The following WDR25 variants were observed in gnomAD, a reference collection of about 807,000 sequenced individuals.
WDR25 encodes the protein WD repeat domain 25, also known as WD repeat-containing protein 25.
A neutral mutation model predicts 47.7 loss-of-function variants in WDR25; 35 were observed. The ratio of observed to expected loss-of-function variants is 0.73; its 90% CI spans 0.56 to 0.97. WDR25 has a LOEUF of 0.97. WDR25 is among the 50% of genes least tolerant of loss of function. WDR25 has a pLI of 0.00. For missense variants in WDR25, 634 were observed against 704.7 expected (o/e 0.90, Z 1.14); for synonymous variants, 248 against 278.9 (o/e 0.89, Z 1.10).
intron 2 of WDR25, among the ~76,000 whole-genome samples, chr14:100,427,042 G>A (rs1007440750): frequency 2.0e-5 from 3 of 152,138 alleles, no homozygotes; most frequent in South Asian, 4.2e-4. Flanking sequence ...ATAAAAGCCC[G>A]GTCCATCAAT....
chr14:100,494,978 A>G lies in WDR25; in HGVS notation c.1101+10854A>G, dbSNP rs1057008547. Among the ~76,000 whole-genome samples the G allele has an allele frequency of 2.6e-5, 4 of 152,186 alleles. No individual in the cohort carries two copies. In the East Asian group the frequency reaches 7.7e-4, roughly 29 times the overall value. ...AACATAGCGAGATCATGACTCTACA[A>G]AAACAAACAAACAAACAACATAGCA... On this transcript the variant is annotated intron_variant, in intron 4 of 6. Transcript: ENST00000402312.
rs920267656 is a variant in WDR25 at position 100,488,882 on chromosome 14, G to A, written c.1101+4758G>A. Among the ~76,000 whole-genome samples, 1 of 152,214 alleles carries A rather than the reference G, an allele frequency of 6.6e-6. No homozygotes were observed. Among genetic ancestry groups the A allele is most frequent in the Non-Finnish European group, 1.5e-5 (1 of 68,050 alleles). ...AGGTGTTTATTTACAGCCGCTTGGT[G>A]TGGGAGCCTGAGTCACCTCTGTGCC... On this transcript the variant is annotated intron_variant, in intron 4 of 6. Coordinates refer to ENST00000402312, the MANE Select transcript of WDR25 (RefSeq NM_001161476.3). This position sits in a 1 kb window ranked among gnomAD's most constrained non-coding sequence, Gnocchi z 4.2.
At chr14:100,447,111 C>T (rs1595096981) in intron 2 of WDR25, among the ~76,000 whole-genome samples, 1 of 152,238 alleles carries the variant, frequency 6.6e-6, no homozygotes, top group African/African-American at 2.4e-5. Flanking sequence ...ATAATAACAG[C>T]TAATGCATTC....
chr14:100,437,860 C>G (rs1357657805), intron 2 of WDR25, among the ~76,000 whole-genome samples: 2 of 152,104 alleles, frequency 1.3e-5, no homozygotes, highest in African/African-American at 2.4e-5. Context: ...CCTGAGCTGA[C>G]CACCAAGGAT....
At chr14:100,511,267 C>T (rs1025173347) in intron 4 of WDR25, among the ~76,000 whole-genome samples, 2 of 151,998 alleles carry the variant, frequency 1.3e-5, no homozygotes, top group African/African-American at 4.8e-5. Flanking sequence ...AATTTATCCC[C>T]AAGTATTTAT....
At chr14:100,457,126 T>C (rs1462143128) in intron 2 of WDR25, among the ~76,000 whole-genome samples, 1 of 152,126 alleles carries the variant, frequency 6.6e-6, no homozygotes, top group African/African-American at 2.4e-5. Context: ...CTAGCTAATT[T>C]GTATTTTTAA....
chr14:100,452,189 T>TGAA (rs1254471629), intron 2 of WDR25, among the ~76,000 whole-genome samples: 1 of 152,202 alleles, frequency 6.6e-6, no homozygotes, highest in Non-Finnish European at 1.5e-5. Context: ...CATGTATCCA[T>TGAA]GCATTCCATC....
Position 100,428,134 on chromosome 14 carries a change from T to G in WDR25, c.823-39887T>G, listed in dbSNP as rs1211618711. On this transcript the variant is annotated intron_variant, in intron 2 of 6. Transcript: ENST00000402312. This position sits in a 1 kb window ranked among gnomAD's most constrained non-coding sequence, Gnocchi z 4.3. ...CTGGAGCATTCACGCAAGGTCACTTTTCCCATCTGAGGAAACGTTTGTCGT... is the reference window on the plus strand; with the variant it reads ...CTGGAGCATTCACGCAAGGTCACTTGTCCCATCTGAGGAAACGTTTGTCGT... Among the ~76,000 whole-genome samples the G allele has an allele frequency of 1.3e-5, 2 of 152,212 alleles. No individual in the cohort carries two copies. The highest frequency in any genetic ancestry group is 6.5e-5 in the Admixed American group (1 of 15,286).
At chr14:100,408,842 T>C (rs574603270) in intron 2 of WDR25, among the ~76,000 whole-genome samples, 1 of 152,372 alleles carries the variant, frequency 6.6e-6, no homozygotes, top group Non-Finnish European at 1.5e-5. Flanking sequence ...ATGTTTATTT[T>C]ATTCTGATTA....
At chr14:100,521,902 C>A (rs547844256) in intron 4 of WDR25, among the ~76,000 whole-genome samples, 101 of 152,300 alleles carry the variant, frequency 6.6e-4, no homozygotes, top group Non-Finnish European at 1.2e-3. Context: ...ATGTAGATAC[C>A]TAACACCCCC....
rs1339426109 is a variant in WDR25 at position 100,404,006 on chromosome 14, A to G, written c.822+22260A>G. On this transcript the variant is annotated intron_variant, in intron 2 of 6. Transcript: ENST00000402312. The surrounding 1 kb of genome is among the most constrained non-coding windows in gnomAD (Gnocchi z 4.6). ...GAAGTGCCTTGAGTAGAATGAGGCA[A>G]TGTTGGTGTGGACTTTATCATGGGC... Among the ~76,000 whole-genome samples, 2 of 152,180 alleles carry G rather than the reference A, an allele frequency of 1.3e-5. No homozygotes were observed. The highest frequency in any genetic ancestry group is 2.9e-5 in the Non-Finnish European group (2 of 68,028).
intron 4 of WDR25, among the ~76,000 whole-genome samples, chr14:100,520,296 A>T (rs897891738): frequency 3.9e-5 from 6 of 151,974 alleles, no homozygotes; most frequent in Admixed American, 3.9e-4. Flanking sequence ...AGGATTACAG[A>T]ATTTTCTTTA....
intron 2 of WDR25, among the ~76,000 whole-genome samples, chr14:100,385,729 A>G (rs763629041): frequency 6.6e-6 from 1 of 152,174 alleles, no homozygotes; most frequent in Non-Finnish European, 1.5e-5. Context: ...TGTTTTTTTC[A>G]TAGCTGTGAT....
At chr14:100,487,384 A>T (rs1344514995) in intron 4 of WDR25, among the ~76,000 whole-genome samples, 1 of 152,230 alleles carries the variant, frequency 6.6e-6, no homozygotes, top group African/African-American at 2.4e-5. Context: ...GCTTGCTGCC[A>T]GTTTTTGTAA....
chr14:100,507,994 C>A (rs1284920141), intron 4 of WDR25, among the ~76,000 whole-genome samples: 1 of 152,114 alleles, frequency 6.6e-6, no homozygotes, highest in African/African-American at 2.4e-5. Context: ...AAGCCAATAT[C>A]CCTGATGAAC....
At chr14:100,520,663 G>C (rs139539904) in intron 4 of WDR25, among the ~76,000 whole-genome samples, 1,569 of 152,292 alleles carry the variant, frequency 0.01, 26 homozygotes, top group African/African-American at 0.036. Flanking sequence ...GGCACTGGAA[G>C]AAGACAATGC....
intron 2 of WDR25, among the ~76,000 whole-genome samples, chr14:100,399,440 G>A (rs945816313): frequency 6.6e-6 from 1 of 150,668 alleles, no homozygotes; most frequent in Admixed American, 6.6e-5. Context: ...TGTCTTTTTC[G>A]GTACTTTTTT....
chr14:100,474,076 G>C (rs1172297999), intron 3 of WDR25, among the ~76,000 whole-genome samples: 1 of 152,194 alleles, frequency 6.6e-6, no homozygotes, highest in Non-Finnish European at 1.5e-5. Context: ...GGGTTCCCTG[G>C]CTGCCGCCCT....
chr14:100,450,567 G>A (rs1898995668), intron 2 of WDR25, among the ~76,000 whole-genome samples: 1 of 152,226 alleles, frequency 6.6e-6, no homozygotes, highest in Non-Finnish European at 1.5e-5. Flanking sequence ...CCCAGCGAGT[G>A]AATGAGAGTC....
Sources: gnomAD v4.1 joint callset for allele counts (sites outside exome capture counted in the v4.1 genomes callset) on GRCh38, gnomAD v4.1.1 for gene constraint, Gnocchi (gnomAD v3.1) non-coding constraint, MANE v1.5 for transcripts, NCBI Gene and HGNC (gene_info 2026-07-23, HGNC 2026-07-21) for gene names.